FLRT1: variants seen among roughly 807,000 people sequenced by gnomAD.
FLRT1 encodes the protein leucine-rich repeat transmembrane protein FLRT1.
A neutral mutation model predicts 30.9 loss-of-function variants in FLRT1; 14 were observed. That is an observed-to-expected ratio of 0.45 (90% CI 0.30 to 0.71). The LOEUF is 0.71. Ranked by LOEUF, FLRT1 falls within the 30% of genes least tolerant of loss-of-function variation. The pLI, the probability that FLRT1 is intolerant of heterozygous loss-of-function variation, is 0.08. For missense variants in FLRT1, 737 were observed against 949.2 expected (o/e 0.78, Z 2.94); for synonymous variants, 368 against 430.4 (o/e 0.85, Z 1.80).
At position 64,113,871 on chromosome 11, in the gene FLRT1, C is replaced by CATGGATGGATGG. The variant is rs202172057; in HGVS notation, c.-49-2318_-49-2307dup. Among the ~76,000 whole-genome samples the CATGGATGGATGG allele has an allele frequency of 1.8e-4, 14 of 77,912 alleles. No homozygotes were observed. In the East Asian group the frequency reaches 2.0e-3, roughly 11 times the overall value. The allele number at this position is 77,912 out of a possible 152,430, so 51.1% of individuals were successfully genotyped here. The stretch of plus-strand genomic sequence containing the variant: ...GGACAGCTGGATGTATGGATTGATA[C>CATGGATGGATGG]ATGGATGGATGGATGGATGGATGGA... On this transcript the variant is annotated intron_variant, in intron 2 of 2. Transcript: ENST00000682287.
intron 2 of FLRT1, among the ~76,000 whole-genome samples, chr11:64,106,130 G>A (rs192583038): frequency 8.3e-4 from 127 of 152,282 alleles, no homozygotes; most frequent in African/African-American, 2.7e-3. Flanking sequence ...GAGAGGTCCC[G>A]CTGGGCAGCT....
intron 1 of FLRT1, among the ~76,000 whole-genome samples, chr11:64,041,123 A>AT (rs1215925321): frequency 3.1e-5 from 4 of 127,382 alleles, no homozygotes; most frequent in Admixed American, 1.9e-4. Context: ...CTGTGGCAGT[A>AT]TTTTTTTCAC....
chr11:64,084,472 A>C (rs1303413739), intron 1 of FLRT1, among the ~76,000 whole-genome samples: 5 of 152,194 alleles, frequency 3.3e-5, no homozygotes, highest in Non-Finnish European at 7.3e-5. Flanking sequence ...GCAAAGAGGC[A>C]GCGAGGGTGG....
chr11:64,047,730 C>G (rs1031840955), intron 1 of FLRT1, among the ~76,000 whole-genome samples: 3 of 151,938 alleles, frequency 2.0e-5, no homozygotes, highest in African/African-American at 7.3e-5. Context: ...AACCCCTTCT[C>G]TACCAAAAAT....
intron 1 of FLRT1, among the ~76,000 whole-genome samples, chr11:64,069,562 G>C (rs372280726): frequency 6.6e-6 from 1 of 152,196 alleles, no homozygotes; most frequent in Non-Finnish European, 1.5e-5. Context: ...CTCCCTGCCC[G>C]TGTGGTGCCC....
intron 1 of FLRT1, among the ~76,000 whole-genome samples, chr11:64,076,785 C>T (rs1371132511): frequency 6.6e-6 from 1 of 152,182 alleles, no homozygotes; most frequent in South Asian, 2.1e-4. Context: ...AAGGTGGGAC[C>T]CAGGCTCTGG....
chr11:64,055,654 G>A (rs1028707486), intron 1 of FLRT1, among the ~76,000 whole-genome samples: 1 of 152,218 alleles, frequency 6.6e-6, no homozygotes, highest in Non-Finnish European at 1.5e-5. Context: ...GGGCCTGCAT[G>A]TTAGACCAGG....
intron 1 of FLRT1, among the ~76,000 whole-genome samples, chr11:64,045,318 T>C (rs1331343858): frequency 6.6e-6 from 1 of 152,220 alleles, no homozygotes; most frequent in African/African-American, 2.4e-5. Context: ...TGGCAGCAGC[T>C]CCTGGAATCC....
chr11:64,060,036 G>A (rs1249233411), intron 1 of FLRT1, among the ~76,000 whole-genome samples: 2 of 152,190 alleles, frequency 1.3e-5, no homozygotes, highest in Non-Finnish European at 2.9e-5. Context: ...ACGGCAGGGG[G>A]GAATGGCGAA....
chr11:64,070,985 A>C (rs76575138), intron 1 of FLRT1, among the ~76,000 whole-genome samples: 8,235 of 152,116 alleles, frequency 0.054, 276 homozygotes, highest in South Asian at 0.14. Context: ...GAAGGGTTTG[A>C]CTATTCAATC....
At chr11:64,109,182 T>C (rs1944816868) in intron 2 of FLRT1, among the ~76,000 whole-genome samples, 1 of 151,918 alleles carries the variant, frequency 6.6e-6, no homozygotes, top group Admixed American at 6.5e-5. Flanking sequence ...TTCCAGAAGC[T>C]CCTGGGACAT....
intron 1 of FLRT1, among the ~76,000 whole-genome samples, chr11:64,079,195 G>A (rs143639707): frequency 3.1e-3 from 478 of 152,254 alleles, no homozygotes; most frequent in Middle Eastern, 6.8e-3. Flanking sequence ...GTGGGATGAG[G>A]GAAGAGGGTG....
chr11:64,096,660 G>A lies in FLRT1; in HGVS notation c.-1037-6534G>A, dbSNP rs951970225. On this transcript the variant is annotated intron_variant, in intron 1 of 2. Transcript: ENST00000682287. The surrounding 1 kb of genome is among the most constrained non-coding windows in gnomAD (Gnocchi z 4.6). ...TCGAACTCCTGACCTCAAGTTATCC[G>A]CCTGCCTCAGCCTCCCAAAGTGCTG... Among the ~76,000 whole-genome samples the A allele has an allele frequency of 1.3e-5, 2 of 152,002 alleles. No homozygotes were observed. Among genetic ancestry groups the A allele is most frequent in the African/African-American group, 2.4e-5 (1 of 41,382 alleles).
At chr11:64,043,670 C>T (rs1943531221) in intron 1 of FLRT1, among the ~76,000 whole-genome samples, 1 of 152,182 alleles carries the variant, frequency 6.6e-6, no homozygotes, top group African/African-American at 2.4e-5. Context: ...GCATACAATG[C>T]ATATTTCATA....
At chr11:64,039,200 C>T (rs891577998) in intron 1 of FLRT1, among the ~76,000 whole-genome samples, 8 of 151,696 alleles carry the variant, frequency 5.3e-5, no homozygotes, top group African/African-American at 1.5e-4. Flanking sequence ...GGATGGGGTG[C>T]GTGAGGCATG....
chr11:64,117,209 C>T lies in FLRT1; in HGVS notation c.942C>T (p.Phe314=), dbSNP rs757240486. The change falls in exon 3 of 3, where the codon TTC becomes TTT. Residue 314 remains phenylalanine, a synonymous_variant. Transcript: ENST00000682287. ...NNLTTLPRGL[F]DDLGNLAQLL... Reference sequence around the variant, plus strand: ...TGACCACGCTGCCCCGCGGCCTGTTCGACGACCTGGGGAACCTGGCCCAGC... The same window carrying T: ...TGACCACGCTGCCCCGCGGCCTGTTTGACGACCTGGGGAACCTGGCCCAGC... 38 of 1,614,036 alleles carry T rather than the reference C, an allele frequency of 2.4e-5. No individual in the cohort carries two copies. The South Asian group carries it at 2.6e-4, about 11-fold the overall frequency.
At chr11:64,080,740 C>A (rs984426916) in intron 1 of FLRT1, among the ~76,000 whole-genome samples, 2 of 152,144 alleles carry the variant, frequency 1.3e-5, no homozygotes, top group African/African-American at 4.8e-5. Context: ...GGGACAGGCC[C>A]CCGGCTGGAT....
rs201350334 is a variant in FLRT1 at position 64,117,436 on chromosome 11, C to T, written c.1169C>T (p.Ala390Val). 71 of 1,612,602 alleles carry T rather than the reference C, an allele frequency of 4.4e-5. No homozygotes were observed. Among genetic ancestry groups the T allele is most frequent in the East Asian group, 4.0e-4 (18 of 44,840 alleles). Residue 390 changes from alanine to valine, a missense_variant, in exon 3 of 3, where the codon GCG becomes GTG. By Grantham distance (64) the Ala-to-Val change is moderately conservative. Transcript: ENST00000682287. ...GGGCCGCAGGGCGGCGTGGCCAATG[C>T]GGCTGCCAAGACCACGGCCAGCAAC... ...ETGPQGGVAN[A>V]AAKTTASNHA...
intron 1 of FLRT1, among the ~76,000 whole-genome samples, chr11:64,039,379 C>T (rs1049646412): frequency 2.0e-5 from 3 of 152,172 alleles, no homozygotes; most frequent in East Asian, 3.9e-4. Context: ...CTGCTGCCCC[C>T]GGTGTACTGC....
Sources: gnomAD v4.1 joint callset for allele counts (sites outside exome capture counted in the v4.1 genomes callset) on GRCh38, gnomAD v4.1.1 for gene constraint, Gnocchi (gnomAD v3.1) non-coding constraint, MANE v1.5 for transcripts, NCBI Gene and HGNC (gene_info 2026-07-23, HGNC 2026-07-21) for gene names.